The following PRKCA variants were observed in gnomAD, a reference collection of about 807,000 sequenced individuals.
PRKCA encodes protein kinase C alpha.
In PRKCA, 27 loss-of-function variants were observed where a neutral mutation model predicts 87.0. The observed-to-expected ratio is 0.31, with a 90% CI of 0.23 to 0.43. The LOEUF is 0.43. Ranked by LOEUF, PRKCA falls within the 20% of genes least tolerant of loss-of-function variation. The pLI is 1.00. For missense variants in PRKCA, 518 were observed against 852.3 expected, an observed-to-expected ratio of 0.61 and a Z score of 4.88; for synonymous variants, 329 against 311.1, an observed-to-expected ratio of 1.06 and a Z score of -0.61.
At chr17:66,396,868 T>C (rs1027512330) in intron 2 of PRKCA, among the ~76,000 whole-genome samples, 6 of 151,294 alleles carry the variant, frequency 4.0e-5, no homozygotes, top group Non-Finnish European at 7.4e-5. Context: ...AATGCTGCCA[T>C]GAATACCTTT....
intron 14 of PRKCA, among the ~76,000 whole-genome samples, chr17:66,784,501 C>T (rs1222657087): frequency 6.6e-6 from 1 of 152,044 alleles, no homozygotes; most frequent in Non-Finnish European, 1.5e-5. Context: ...CCCACGTTGG[C>T]CTCCCAAAGT....
At position 66,794,624 on chromosome 17, in the gene PRKCA, GTTT is replaced by G. The variant is rs71367182; in HGVS notation, c.1854+5657_1854+5659del. ...TTTTGTTTTTTGGGGGGGGTTTTTT[GTTT>G]TTTTTTTTTTTGAGACGGAGTTTCG... On this transcript the variant is annotated intron_variant, in intron 16 of 16. Transcript: ENST00000413366. 2.7e-3 allele frequency among the ~76,000 whole-genome samples: 376 copies of G among 136,908 alleles called. 5 individuals carry two copies. Among genetic ancestry groups the G allele is most frequent in the African/African-American group, 9.0e-3 (342 of 37,862 alleles). The allele number at this position is 136,908 out of a possible 152,430, so 89.8% of individuals were successfully genotyped here.
rs181485999 is a variant in PRKCA at position 66,518,560 on chromosome 17, C to T, written c.288+22277C>T. ...ACCAGAAAGGTTTGTTCTATTTTTACGAGAATCTTCTTAGGGAAATTGATG... is the reference window on the plus strand; with the variant it reads ...ACCAGAAAGGTTTGTTCTATTTTTATGAGAATCTTCTTAGGGAAATTGATG... On this transcript the variant is annotated intron_variant, in intron 3 of 16. Coordinates refer to ENST00000413366, the MANE Select transcript of PRKCA (RefSeq NM_002737.3). Among the ~76,000 whole-genome samples, 10 of 152,208 alleles carry T rather than the reference C, an allele frequency of 6.6e-5. No homozygotes were observed. The East Asian group carries it at 7.7e-4, about 12-fold the overall frequency.
At chr17:66,303,906 G>T (rs972012786) in intron 1 of PRKCA, among the ~76,000 whole-genome samples, 1 of 152,096 alleles carries the variant, frequency 6.6e-6, no homozygotes, top group Non-Finnish European at 1.5e-5. Context: ...AGGCTGAGAC[G>T]GGAGACTCGC....
chr17:66,333,641 A>G (rs1228922873), intron 2 of PRKCA, among the ~76,000 whole-genome samples: 1 of 152,076 alleles, frequency 6.6e-6, no homozygotes, highest in African/African-American at 2.4e-5. Flanking sequence ...GGCTACGTAA[A>G]TGGGAGGGAG....
intron 5 of PRKCA, among the ~76,000 whole-genome samples, chr17:66,654,692 C>T (rs74907111): frequency 0.059 from 8,912 of 152,242 alleles, 320 homozygotes; most frequent in Admixed American, 0.081. Flanking sequence ...GGGATGGCTC[C>T]GCAGCTCCTG....
At chr17:66,707,746 C>T (rs1291157183) in intron 8 of PRKCA, among the ~76,000 whole-genome samples, 1 of 152,126 alleles carries the variant, frequency 6.6e-6, no homozygotes. Context: ...ACCTTATCTC[C>T]ACTTTCTGGA....
chr17:66,570,695 A>T (rs1969054668), intron 3 of PRKCA, among the ~76,000 whole-genome samples: 1 of 152,170 alleles, frequency 6.6e-6, no homozygotes, highest in South Asian at 2.1e-4. Context: ...TATTAAAATT[A>T]TATGTAATGT....
intron 2 of PRKCA, among the ~76,000 whole-genome samples, chr17:66,383,918 C>T (rs1909906701): frequency 6.6e-6 from 1 of 151,876 alleles, no homozygotes. Context: ...CCACTTCATT[C>T]CAGCCTGGGT....
intron 11 of PRKCA, among the ~76,000 whole-genome samples, chr17:66,740,504 G>A (rs1974136038): frequency 6.6e-6 from 1 of 152,142 alleles, no homozygotes; most frequent in South Asian, 2.1e-4. Context: ...TTTGGCCTGC[G>A]AGGGATTATG....
intron 9 of PRKCA, among the ~76,000 whole-genome samples, chr17:66,734,208 C>T (rs995042737): frequency 3.3e-5 from 5 of 152,066 alleles, no homozygotes; most frequent in African/African-American, 9.7e-5. Flanking sequence ...GAATTCAGAG[C>T]GAGTCCACAG....
intron 3 of PRKCA, among the ~76,000 whole-genome samples, chr17:66,555,078 C>G (rs1439267509): frequency 6.6e-6 from 1 of 152,022 alleles, no homozygotes; most frequent in African/African-American, 2.4e-5. Context: ...GGGTTTCACC[C>G]TGTTGCCCAG....
chr17:66,483,315 C>T (rs1306431772), intron 2 of PRKCA, among the ~76,000 whole-genome samples: 2 of 152,060 alleles, frequency 1.3e-5, no homozygotes, highest in Non-Finnish European at 2.9e-5. Context: ...CCATGACTCC[C>T]CCTGGCTTCT....
At chr17:66,337,532 G>T (rs1026679707) in intron 2 of PRKCA, among the ~76,000 whole-genome samples, 4 of 151,964 alleles carry the variant, frequency 2.6e-5, no homozygotes. Flanking sequence ...TGAGACTACC[G>T]GTGGTTGCCA....
At chr17:66,344,816 G>C (rs1285259389) in intron 2 of PRKCA, among the ~76,000 whole-genome samples, 1 of 152,082 alleles carries the variant, frequency 6.6e-6, no homozygotes, top group African/African-American at 2.4e-5. Context: ...CCCAGGCTGG[G>C]GTGCACTTGC....
chr17:66,499,903 C>G (rs533573809), intron 3 of PRKCA, among the ~76,000 whole-genome samples: 4 of 152,258 alleles, frequency 2.6e-5, no homozygotes, highest in African/African-American at 7.2e-5. Flanking sequence ...CAACTGACTC[C>G]CAGTGTCAGA....
intron 2 of PRKCA, among the ~76,000 whole-genome samples, chr17:66,477,311 C>T (rs1431135379): frequency 6.6e-6 from 1 of 152,168 alleles, no homozygotes; most frequent in Non-Finnish European, 1.5e-5. Context: ...GCATGTAGTT[C>T]TTCAAATGTT....
rs1193798167 is a variant in PRKCA, at chr17:66,788,875, G to A, written c.1750G>A (p.Gly584Arg). ...TKHPAKRLGC[G>R]PEGERDVREH... Reference sequence around the variant, plus strand: ...ACACCCAGCCAAGCGGCTGGGCTGTGGGCCTGAGGGGGAGAGGGACGTGAG... The same window carrying A: ...ACACCCAGCCAAGCGGCTGGGCTGTAGGCCTGAGGGGGAGAGGGACGTGAG... The change falls in exon 16 of 17, where the codon GGG becomes AGG. Residue 584 changes from glycine to arginine, a missense_variant. This residue lies in a region of PRKCA where 159 missense variants were observed against 232.4 expected (regional missense o/e 0.68). Transcript: ENST00000413366. The A allele has an allele frequency of 3.7e-6, 6 of 1,614,028 alleles. No homozygotes were observed. Among genetic ancestry groups the A allele is most frequent in the East Asian group, 2.2e-5 (1 of 44,862 alleles).
At chr17:66,566,483 T>TG (rs1243870906) in intron 3 of PRKCA, among the ~76,000 whole-genome samples, 1 of 143,928 alleles carries the variant, frequency 6.9e-6, no homozygotes, top group Non-Finnish European at 1.5e-5. Flanking sequence ...TTTTTTGGTT[T>TG]TTTTTTTTTT....
Sources: allele counts gnomAD v4.1 joint callset (sites outside exome capture counted in the v4.1 genomes callset), GRCh38; gene constraint gnomAD v4.1.1; regional missense constraint gnomAD v4.1.1; transcripts MANE v1.5; gene names NCBI Gene and HGNC (gene_info 2026-07-23, HGNC 2026-07-21).